SLC25A15: variants seen among roughly 807,000 people sequenced by gnomAD.
SLC25A15 encodes the protein solute carrier family 25 member 15.
A neutral mutation model predicts 32.3 loss-of-function variants in SLC25A15; 24 were observed. The ratio of observed to expected loss-of-function variants is 0.74; its 90% CI spans 0.54 to 1.04. The LOEUF (loss-of-function observed/expected upper bound fraction) is 1.04, where lower values mean the gene tolerates loss of function less well. Among genes scored for constraint, SLC25A15 ranks in the 50% least tolerant of loss-of-function variants. The pLI is 0.00. For missense variants in SLC25A15, 317 were observed against 374.5 expected (o/e 0.85, Z 1.27); for synonymous variants, 132 against 142.1 (o/e 0.93, Z 0.51).
chr13:40,804,507 G>A (rs922361617), intron 3 of SLC25A15, among the ~76,000 whole-genome samples: 1 of 151,646 alleles, frequency 6.6e-6, no homozygotes, highest in Non-Finnish European at 1.5e-5. Context: ...GGGATCCTTA[G>A]ATGAAACAGC....
chr13:40,790,675 C>T (rs1435772160), intron 1 of SLC25A15, among the ~76,000 whole-genome samples: 2 of 152,226 alleles, frequency 1.3e-5, no homozygotes, highest in Non-Finnish European at 2.9e-5. Flanking sequence ...GCAACCTCCG[C>T]CTCCTGGGTT....
intron 3 of SLC25A15, among the ~76,000 whole-genome samples, chr13:40,799,531 A>G (rs879432086): frequency 6.6e-6 from 1 of 152,190 alleles, no homozygotes; most frequent in Non-Finnish European, 1.5e-5. Context: ...GTATGGTCAC[A>G]ATTTTACTGG....
chr13:40,798,157 G>A (rs889094092), intron 2 of SLC25A15, among the ~76,000 whole-genome samples: 2 of 151,900 alleles, frequency 1.3e-5, no homozygotes, highest in African/African-American at 4.8e-5. Flanking sequence ...GTGGGTGCCT[G>A]TAATCCCAGC....
rs202237376 is a variant in SLC25A15, at chr13:40,791,364, A to T, written c.-70+1701A>T. On this transcript the variant is annotated intron_variant, in intron 1 of 6. Transcript: ENST00000338625. ...TTTTTTATTTTCTATTATTATTATT[A>T]TTTTTTTTTTTGAGACAGAGTCTCA... 9.7e-3 allele frequency among the ~76,000 whole-genome samples: 1,243 copies of T among 127,950 alleles called. 11 individuals carry two copies. Among genetic ancestry groups the T allele is most frequent in the African/African-American group, 0.03 (917 of 30,080 alleles). The allele number at this position is 127,950 out of a possible 152,430, so 83.9% of individuals were successfully genotyped here.
At position 40,805,246 on chromosome 13, in the gene SLC25A15, A is replaced by T. The variant is rs1187791348; in HGVS notation, c.443A>T (p.Lys148Met). ...ATGGAGACATCAGGGAAGATAGCCA[A>T]GAGCCAGAAGTAAGCACCACTTGGG... ...YEMETSGKIA[K>M]SQNTVWSVIK... Residue 148 changes from lysine to methionine, a missense_variant, in exon 4 of 7, where the codon AAG (lysine) becomes ATG (methionine). Coordinates refer to ENST00000338625, the MANE Select transcript of SLC25A15 (RefSeq NM_014252.4). 3.7e-6 allele frequency: 6 copies of T among 1,614,202 alleles called. No homozygotes were observed. The highest frequency in any genetic ancestry group is 1.7e-5 in the Admixed American group (1 of 60,024).
intron 2 of SLC25A15, among the ~76,000 whole-genome samples, chr13:40,797,074 G>A (rs1289735317): frequency 2.0e-5 from 3 of 152,172 alleles, no homozygotes; most frequent in Non-Finnish European, 4.4e-5. Flanking sequence ...AGTCTCTGTG[G>A]TTGGTACTGG....
At position 40,807,351 on chromosome 13, in the gene SLC25A15, C is replaced by T. The variant is rs1882230141; in HGVS notation, c.510C>T (p.Tyr170=). 1 of 1,613,924 alleles carries T rather than the reference C, an allele frequency of 6.2e-7. No individual in the cohort carries two copies. Among genetic ancestry groups the T allele is most frequent in the African/African-American group, 1.3e-5 (1 of 74,886 alleles). ...ILRKDGPLGF[Y]HGLSSTLLRE... is the part of the protein sequence containing the mutation. ...GGAAAGATGGCCCCTTGGGGTTCTA[C>T]CATGGACTCTCAAGCACTTTACTTC... Residue 170 remains tyrosine, a synonymous_variant, in exon 5 of 7, where the codon TAC becomes TAT. Coordinates refer to ENST00000338625, the MANE Select transcript of SLC25A15 (RefSeq NM_014252.4).
At chr13:40,805,478 C>T (rs1197682207) in intron 4 of SLC25A15, among the ~76,000 whole-genome samples, 2 of 152,164 alleles carry the variant, frequency 1.3e-5, no homozygotes, top group Non-Finnish European at 2.9e-5. Context: ...ATTTAATACC[C>T]CAGAACTGGA....
chr13:40,792,290 G>A (rs571964563), intron 1 of SLC25A15, among the ~76,000 whole-genome samples: 40 of 152,236 alleles, frequency 2.6e-4, no homozygotes, highest in Non-Finnish European at 5.3e-4. Flanking sequence ...AACGGCCCAG[G>A]TGTTGTATCT....
chr13:40,796,600 T>C (rs544025627), intron 2 of SLC25A15, among the ~76,000 whole-genome samples: 1 of 152,318 alleles, frequency 6.6e-6, no homozygotes, highest in South Asian at 2.1e-4. Context: ...CCCAAACCTT[T>C]TTTGATTGGA....
In SLC25A15 at chr13:40,805,201, G is replaced by T. The variant is rs186892167; in HGVS notation, c.398G>T (p.Arg133Leu). 2 of 1,614,148 alleles carry T rather than the reference G, an allele frequency of 1.2e-6. No individual in the cohort carries two copies. Among genetic ancestry groups the T allele is most frequent in the Non-Finnish European group, 1.7e-6 (2 of 1,180,028 alleles). The part of the protein sequence containing the change: ...VLCPTELVKC[R>L]LQTMYEMETS... ...TGCCCCACGGAGCTCGTGAAGTGCC[G>T]GCTGCAGACCATGTATGAGATGGAG... The change falls in exon 4 of 7, where the codon CGG (arginine) becomes CTG (leucine). Residue 133 changes from arginine to leucine, a missense_variant. Coordinates refer to ENST00000338625, the MANE Select transcript of SLC25A15 (RefSeq NM_014252.4).
intron 1 of SLC25A15, among the ~76,000 whole-genome samples, chr13:40,791,934 T>C (rs1881521456): frequency 6.6e-6 from 1 of 152,214 alleles, no homozygotes; most frequent in Non-Finnish European, 1.5e-5. Context: ...CAGGGTGACA[T>C]TGGTGTTAGG....
rs1181692514 is a variant in SLC25A15 at position 40,793,225 on chromosome 13, A to G, written c.-2A>G. 5 of 1,613,980 alleles carry G rather than the reference A, an allele frequency of 3.1e-6. No individual in the cohort carries two copies. Among genetic ancestry groups the G allele is most frequent in the Non-Finnish European group, 4.2e-6 (5 of 1,179,994 alleles). Reference sequence around the variant, plus strand: ...ACAAGACCAGCAGAAGAGTGGGCAAACATGAAATCCAATCCTGCTATCCAG... The same window carrying G: ...ACAAGACCAGCAGAAGAGTGGGCAAGCATGAAATCCAATCCTGCTATCCAG... On this transcript the variant is annotated 5_prime_UTR_variant, in exon 2 of 7. Transcript: ENST00000338625.
At position 40,810,729 on chromosome 13, in the gene SLC25A15, T is replaced by G; in HGVS notation, c.*1062T>G. The G allele has an allele frequency of 1.9e-6, 1 of 534,494 alleles. No homozygotes were observed. Among genetic ancestry groups the G allele is most frequent in the Non-Finnish European group, 3.8e-6 (1 of 260,050 alleles). 33.1% of individuals were successfully genotyped at this position (534,494 alleles called of 1,614,324 possible). On this transcript the variant is annotated 3_prime_UTR_variant, in exon 7 of 7. Transcript: ENST00000338625. ...GGGAAATAGCATGGCCTTTACCAGC[T>G]TCCCTTCTCTCCCAAAGAACTTCCC...
At chr13:40,800,947 G>A (rs1315204159) in intron 3 of SLC25A15, among the ~76,000 whole-genome samples, 3 of 152,090 alleles carry the variant, frequency 2.0e-5, no homozygotes, top group South Asian at 4.2e-4. Flanking sequence ...TTAAAGATGC[G>A]TAAGGCTGGG....
intron 2 of SLC25A15, among the ~76,000 whole-genome samples, chr13:40,794,315 G>A (rs1881601918): frequency 2.0e-5 from 3 of 151,726 alleles, no homozygotes; most frequent in South Asian, 4.2e-4. Context: ...ACTCCAGCCT[G>A]GGCAACAACA....
chr13:40,808,804 A>G (rs149279764), intron 6 of SLC25A15, among the ~76,000 whole-genome samples: 1,658 of 151,962 alleles, frequency 0.011, 37 homozygotes, highest in African/African-American at 0.035. Flanking sequence ...GCGTGGTGGC[A>G]GGCACCTGTA....
chr13:40,808,354 C>T, intron 5 of SLC25A15, 84 bp from the exon 6 acceptor site: 2 of 1,120,310 alleles, frequency 1.8e-6, no homozygotes, highest in East Asian at 4.7e-5. Context: ...CATCTACCTG[C>T]AGCCATTACT....
Position 40,809,940 on chromosome 13 carries a change from AG to A in SLC25A15, c.*275del, listed in dbSNP as rs1380051754. On this transcript the variant is annotated 3_prime_UTR_variant, in exon 7 of 7. Transcript: ENST00000338625. Reference sequence around the variant, plus strand: ...AGTAGCCTTATGCACCTAATTCAAAAGGTGGAATATAGTTCTGTCAGGGCTT... The same window carrying A: ...AGTAGCCTTATGCACCTAATTCAAAAGTGGAATATAGTTCTGTCAGGGCTT... 2.2e-6 allele frequency: 1 copy of A among 453,184 alleles called. No homozygotes were observed. The highest frequency in any genetic ancestry group is 2.0e-5 in the African/African-American group (1 of 50,288). 28.1% of individuals were successfully genotyped at this position (453,184 alleles called of 1,614,324 possible). A position where few individuals can be genotyped will look rare whatever the true frequency, so the allele number is the denominator to read the frequency against.
Sources: gnomAD v4.1 joint callset for allele counts (sites outside exome capture counted in the v4.1 genomes callset) on GRCh38, gnomAD v4.1.1 for gene constraint, MANE v1.5 for transcripts, NCBI Gene and HGNC (gene_info 2026-07-23, HGNC 2026-07-21) for gene names.